GALNT13: variants seen among roughly 807,000 people sequenced by gnomAD.
GALNT13 encodes the protein UDP-GalNAc:polypeptide N-acetylgalactosaminyltransferase 13.
A neutral mutation model predicts 64.2 loss-of-function variants in GALNT13; 28 were observed. The ratio of observed to expected loss-of-function variants is 0.44; its 90% CI spans 0.32 to 0.60. GALNT13 has a LOEUF of 0.60. Ranked by LOEUF, GALNT13 falls within the 20% of genes least tolerant of loss-of-function variation. The pLI is 0.05. For missense variants in GALNT13, 577 were observed against 669.8 expected (o/e 0.86, Z 1.53); for synonymous variants, 214 against 224.6 (o/e 0.95, Z 0.42).
At chr2:154,434,175 A>G (rs1700827461) in intron 11 of GALNT13, among the ~76,000 whole-genome samples, 2 of 152,248 alleles carry the variant, frequency 1.3e-5, no homozygotes, top group Admixed American at 6.5e-5. Context: ...TAGGCCACCC[A>G]GTCCATAGTA....
chr2:154,063,389 C>T (rs142552904), intron 3 of GALNT13, among the ~76,000 whole-genome samples: 50 of 152,264 alleles, frequency 3.3e-4, no homozygotes, highest in African/African-American at 9.1e-4. Flanking sequence ...TTTTTCATGA[C>T]ATCTCTTATG....
intron 8 of GALNT13, among the ~76,000 whole-genome samples, chr2:154,289,485 A>C (rs1311834497): frequency 1.3e-5 from 2 of 152,196 alleles, no homozygotes; most frequent in Non-Finnish European, 2.9e-5. Flanking sequence ...CTTACAAAGC[A>C]GCAGGCAAGA....
chr2:154,054,454 G>A (rs551315055), intron 3 of GALNT13, among the ~76,000 whole-genome samples: 6 of 152,006 alleles, frequency 3.9e-5, no homozygotes, highest in East Asian at 1.9e-4. Flanking sequence ...AGAAGTTACC[G>A]CCAAGTGAAT....
chr2:153,391,642 C>G, the GALNT13 span, among the ~76,000 whole-genome samples: 7 of 151,994 alleles, frequency 4.6e-5, 1 homozygote, highest in Non-Finnish European at 1.0e-4. Context: ...ACCCCATGAT[C>G]TCCTTTAAGA....
chr2:153,381,469 A>G, the GALNT13 span, among the ~76,000 whole-genome samples: 1 of 151,982 alleles, frequency 6.6e-6, no homozygotes, highest in Non-Finnish European at 1.5e-5. Context: ...AGACAGAGGG[A>G]GCAAGAAAGA....
chr2:153,871,488 C>G (rs1215779263), upstream of GALNT13, among the ~76,000 whole-genome samples: 3 of 152,188 alleles, frequency 2.0e-5, no homozygotes, highest in Non-Finnish European at 2.9e-5. Context: ...GGCGCTTTCC[C>G]CGAGGGCAGT....
At chr2:153,092,651 A>G in the GALNT13 span, among the ~76,000 whole-genome samples, 1 of 152,228 alleles carries the variant, frequency 6.6e-6, no homozygotes. Context: ...CTGTTGGCAT[A>G]TAGAAATGCT....
the GALNT13 span, among the ~76,000 whole-genome samples, chr2:153,189,312 G>A: frequency 6.6e-6 from 1 of 152,062 alleles, no homozygotes; most frequent in Non-Finnish European, 1.5e-5. Context: ...TAACATATGA[G>A]TACATGCAAT....
At chr2:154,019,520 G>T (rs913407524) in intron 3 of GALNT13, among the ~76,000 whole-genome samples, 1 of 150,844 alleles carries the variant, frequency 6.6e-6, no homozygotes, top group African/African-American at 2.4e-5. Context: ...TGAGGCAGGA[G>T]GATCGCTTGA....
At chr2:154,110,392 G>GAC (rs1702915831) in intron 3 of GALNT13, among the ~76,000 whole-genome samples, 1 of 136,526 alleles carries the variant, frequency 7.3e-6, no homozygotes, top group East Asian at 2.4e-4. Context: ...GAGAGAGAGA[G>GAC]AGAGAGAGAC....
chr2:153,912,944 C>T (rs1238300875), intron 2 of GALNT13, among the ~76,000 whole-genome samples: 1 of 152,156 alleles, frequency 6.6e-6, no homozygotes, highest in East Asian at 1.9e-4. Flanking sequence ...TCAGCTGTGG[C>T]AGGGTGGTAG....
At chr2:153,403,282 C>T in the GALNT13 span, among the ~76,000 whole-genome samples, 110 of 150,904 alleles carry the variant, frequency 7.3e-4, 2 homozygotes, top group East Asian at 0.018. Flanking sequence ...GCAGTCTGCC[C>T]GTTCTCAGAT....
intron 1 of GALNT13, among the ~76,000 whole-genome samples, chr2:153,882,441 A>G (rs1173760738): frequency 6.6e-6 from 1 of 152,092 alleles, no homozygotes; most frequent in South Asian, 2.1e-4. Context: ...CTTAACATGT[A>G]CTAACTAGCA....
At chr2:153,895,390 A>G (rs1217916610) in intron 1 of GALNT13, among the ~76,000 whole-genome samples, 2 of 152,136 alleles carry the variant, frequency 1.3e-5, no homozygotes, top group Admixed American at 1.3e-4. Flanking sequence ...TTTTAGCTCA[A>G]CAAAATGAAT....
intron 3 of GALNT13, among the ~76,000 whole-genome samples, chr2:154,006,375 GCTGATTTTTAAT>G (rs1025779923): frequency 2.0e-5 from 3 of 152,090 alleles, no homozygotes; most frequent in African/African-American, 7.2e-5. Context: ...AAAATTAAAA[GCTGATTTTTAAT>G]CTGTTTTCTA....
At chr2:153,129,689 G>A in the GALNT13 span, among the ~76,000 whole-genome samples, 3 of 151,964 alleles carry the variant, frequency 2.0e-5, no homozygotes, top group Admixed American at 2.0e-4. Context: ...AGAATTGCTT[G>A]AACTAGGGAG....
the GALNT13 span, among the ~76,000 whole-genome samples, chr2:153,757,103 T>A: frequency 6.6e-6 from 1 of 152,162 alleles, no homozygotes; most frequent in Non-Finnish European, 1.5e-5. Flanking sequence ...CTAATTAACA[T>A]AACCATCACC....
chr2:153,994,635 T>A (rs530970480), intron 3 of GALNT13, among the ~76,000 whole-genome samples: 3 of 152,314 alleles, frequency 2.0e-5, no homozygotes, highest in South Asian at 2.1e-4. Flanking sequence ...GGTATCTCAT[T>A]GTGGTTTTGA....
chr2:154,228,407 A>G (rs1376995080), intron 4 of GALNT13, among the ~76,000 whole-genome samples: 1 of 152,144 alleles, frequency 6.6e-6, no homozygotes, highest in Non-Finnish European at 1.5e-5. Flanking sequence ...GCACTTTTGT[A>G]TGAATATCTT....
Sources: gnomAD v4.1 joint callset for allele counts (sites outside exome capture counted in the v4.1 genomes callset) on GRCh38, gnomAD v4.1.1 for gene constraint, MANE v1.5 for transcripts, NCBI Gene and HGNC (gene_info 2026-07-23, HGNC 2026-07-21) for gene names.